The following AAK1 variants were observed in gnomAD, a reference collection of about 807,000 sequenced individuals.
The protein encoded by AAK1 is AP2 associated kinase 1.
A neutral mutation model predicts 116.0 loss-of-function variants in AAK1; 37 were observed. That is an observed-to-expected ratio of 0.32 (90% CI 0.25 to 0.42). The LOEUF (loss-of-function observed/expected upper bound fraction) is 0.42. AAK1 is among the 10% of genes least tolerant of loss of function. The pLI is 1.00. For missense variants in AAK1, 919 were observed against 1,170.6 expected, an observed-to-expected ratio of 0.79 and a Z score of 3.14; for synonymous variants, 458 against 439.9, an observed-to-expected ratio of 1.04 and a Z score of -0.51.
Position 69,472,207 on chromosome 2 carries a change from T to C in AAK1, c.*3662A>G, listed in dbSNP as rs926615050. On this transcript the variant is annotated 3_prime_UTR_variant, in exon 22 of 22. Coordinates refer to ENST00000409085, the MANE Select transcript of AAK1 (RefSeq NM_014911.5). ...TCTGAGAATTTTTTGTGGATTATCC[T>C]TTTTACTGTCTTCAACAGTAACCAC... 477 of 971,360 alleles carry C rather than the reference T, an allele frequency of 4.9e-4. No homozygotes were observed. Among genetic ancestry groups the C allele is most frequent in the Non-Finnish European group, 5.7e-4 (468 of 817,252 alleles). 60.2% of individuals were successfully genotyped at this position (971,360 alleles called of 1,614,324 possible). A position where few individuals can be genotyped will look rare whatever the true frequency, so the allele number is the denominator to read the frequency against.
At chr2:69,618,982 T>C (rs1219693178) in intron 2 of AAK1, among the ~76,000 whole-genome samples, 1 of 152,156 alleles carries the variant, frequency 6.6e-6, no homozygotes, top group African/African-American at 2.4e-5. Context: ...ACCCCCTGCT[T>C]AGACAGGCTT....
Position 69,475,803 on chromosome 2 carries a change from A to T in AAK1, c.*66T>A. ...TTTTAAAAAAATCATTTTTTTCATA[A>T]CTCCGTAATGAAAATGTATTTTACG... On this transcript the variant is annotated 3_prime_UTR_variant, in exon 22 of 22. Transcript: ENST00000409085. The T allele has an allele frequency of 6.6e-7, 1 of 1,517,406 alleles. No homozygotes were observed. The highest frequency in any genetic ancestry group is 8.9e-7 in the Non-Finnish European group (1 of 1,123,582). 94.0% of individuals were successfully genotyped at this position (1,517,406 alleles called of 1,614,324 possible). A position where few individuals can be genotyped will look rare whatever the true frequency, so the allele number is the denominator to read the frequency against.
intron 2 of AAK1, among the ~76,000 whole-genome samples, chr2:69,560,118 T>C (rs1671570260): frequency 6.6e-6 from 1 of 152,346 alleles, no homozygotes; most frequent in Admixed American, 6.5e-5. Context: ...TATCTGCAGA[T>C]GAGAAGCATT....
In AAK1 at chr2:69,519,299, T is replaced by C. The variant is rs1669641321; in HGVS notation, c.1211-59A>G. On this transcript the variant is annotated intron_variant, in intron 11 of 21. Transcript: ENST00000409085. Reference sequence around the variant, plus strand: ...AAATGCTTCCACACAAAAATGGCTTTCTGTCTTGCCAAAACAACTAATAGG... The same window carrying C: ...AAATGCTTCCACACAAAAATGGCTTCCTGTCTTGCCAAAACAACTAATAGG... 5 of 1,469,664 alleles carry C rather than the reference T, an allele frequency of 3.4e-6. No individual in the cohort carries two copies. The East Asian group carries it at 1.2e-4, about 37-fold the overall frequency. 91.0% of individuals were successfully genotyped at this position (1,469,664 alleles called of 1,614,324 possible).
intron 2 of AAK1, 87 bp downstream of exon 2, chr2:69,642,791 C>A: frequency 6.4e-7 from 1 of 1,569,796 alleles, no homozygotes; most frequent in Non-Finnish European, 8.7e-7. Flanking sequence ...CTGGTCAAAG[C>A]CCATTCATAC....
At chr2:69,560,330 T>C (rs908506943) in intron 2 of AAK1, among the ~76,000 whole-genome samples, 3 of 152,208 alleles carry the variant, frequency 2.0e-5, no homozygotes, top group Admixed American at 2.0e-4. Flanking sequence ...TTAAGAGGGT[T>C]CAGGCTATTA....
At chr2:69,641,894 G>C (rs1675742878) in intron 2 of AAK1, among the ~76,000 whole-genome samples, 1 of 152,074 alleles carries the variant, frequency 6.6e-6, no homozygotes, top group African/African-American at 2.4e-5. Flanking sequence ...CCTACAGCAG[G>C]TTGGCCCCAT....
At chr2:69,614,091 G>A (rs1034784415) in intron 2 of AAK1, among the ~76,000 whole-genome samples, 1 of 152,228 alleles carries the variant, frequency 6.6e-6, no homozygotes, top group Non-Finnish European at 1.5e-5. Flanking sequence ...AGAAATGTGA[G>A]TAGAGGAAAT....
chr2:69,559,150 T>C (rs757633040), intron 2 of AAK1, among the ~76,000 whole-genome samples: 1 of 152,112 alleles, frequency 6.6e-6, no homozygotes, highest in Non-Finnish European at 1.5e-5. Context: ...CTAAAATTTA[T>C]CATATAATCT....
Position 69,464,348 on chromosome 2 carries a change from T to A in AAK1, c.*11521A>T, listed in dbSNP as rs1035951821. The A allele has an allele frequency of 6.6e-6, 1 of 152,186 alleles. No individual in the cohort carries two copies. Among genetic ancestry groups the A allele is most frequent in the African/African-American group, 2.4e-5 (1 of 41,444 alleles). 9.4% of individuals were successfully genotyped at this position (152,186 alleles called of 1,614,324 possible). A position where few individuals can be genotyped will look rare whatever the true frequency, so the allele number is the denominator to read the frequency against. The stretch of plus-strand genomic sequence containing the variant: ...ACTGTAACAAGGTGCTCTTTTCTAG[T>A]GTTGTAAGGGGAAAATGTATAAGGA... On this transcript the variant is annotated 3_prime_UTR_variant, in exon 22 of 22. Coordinates refer to ENST00000409085, the MANE Select transcript of AAK1 (RefSeq NM_014911.5).
chr2:69,571,209 T>C (rs1672082122), intron 2 of AAK1, among the ~76,000 whole-genome samples: 1 of 152,240 alleles, frequency 6.6e-6, no homozygotes, highest in African/African-American at 2.4e-5. Flanking sequence ...GTGATCCTCT[T>C]TCCCTCCCAC....
At chr2:69,507,340 C>G in intron 15 of AAK1, 81 bp downstream of exon 15, 1 of 1,505,028 alleles carries the variant, frequency 6.6e-7, no homozygotes, top group Non-Finnish European at 9.0e-7. Flanking sequence ...TCTAGAGTTA[C>G]GATTCTTTCT....
Position 69,488,357 on chromosome 2 carries a change from A to G in AAK1, c.2366-5545T>C, listed in dbSNP as rs536241421. ...GTTATAAAAAAAGATAGAGAGTATC[A>G]TTTTATTGATTTATTTTTACCTTTT... On this transcript the variant is annotated intron_variant, in intron 17 of 21. Coordinates refer to ENST00000409085, the MANE Select transcript of AAK1 (RefSeq NM_014911.5). 4.6e-5 allele frequency among the ~76,000 whole-genome samples: 7 copies of G among 152,208 alleles called. No homozygotes were observed. The South Asian group carries it at 1.5e-3, about 32-fold the overall frequency.
In AAK1 at chr2:69,510,076, A is replaced by G. The variant is rs983381383; in HGVS notation, c.1777-616T>C. Among the ~76,000 whole-genome samples, 4 of 151,974 alleles carry G rather than the reference A, an allele frequency of 2.6e-5. No homozygotes were observed. The East Asian group carries it at 7.7e-4, about 29-fold the overall frequency. ...ATTTTAGGTTCGGGGGTACATGTGC[A>G]GGTTTGTTATACAGGTAAACAGGCA... On this transcript the variant is annotated intron_variant, in intron 13 of 21. Transcript: ENST00000409085.
chr2:69,583,344 T>C (rs1672624882), intron 2 of AAK1, among the ~76,000 whole-genome samples: 1 of 152,190 alleles, frequency 6.6e-6, no homozygotes, highest in Non-Finnish European at 1.5e-5. Flanking sequence ...AGGATGGAAG[T>C]AAATTAAAAG....
intron 3 of AAK1, among the ~76,000 whole-genome samples, chr2:69,548,974 T>C (rs539733323): frequency 2.0e-5 from 3 of 152,288 alleles, no homozygotes; most frequent in South Asian, 2.1e-4. Flanking sequence ...CCTCACCCGT[T>C]AGACAGTTCT....
chr2:69,484,376 A>G (rs1434896391), intron 17 of AAK1, among the ~76,000 whole-genome samples: 1 of 152,258 alleles, frequency 6.6e-6, no homozygotes, highest in Admixed American at 6.5e-5. Flanking sequence ...TATAATTAAC[A>G]CACTGCAGAA....
intron 2 of AAK1, among the ~76,000 whole-genome samples, chr2:69,628,964 C>A (rs773929474): frequency 6.6e-6 from 1 of 152,202 alleles, no homozygotes; most frequent in Non-Finnish European, 1.5e-5. Context: ...CCTCTCTAGA[C>A]TCATTTTATA....
In AAK1 at chr2:69,643,233, G is replaced by C. The variant is rs1330535073; in HGVS notation, c.-193C>G. 6 of 1,407,130 alleles carry C rather than the reference G, an allele frequency of 4.3e-6. No homozygotes were observed. The highest frequency in any genetic ancestry group is 1.7e-5 in the South Asian group (1 of 60,094). 87.2% of individuals were successfully genotyped at this position (1,407,130 alleles called of 1,614,324 possible). On this transcript the variant is annotated 5_prime_UTR_variant, in exon 2 of 22. Transcript: ENST00000409085. ...GAATATGCGTGTCAATCGCGCAGCGGGTCCCCTCCTCCTCCAGAAAGCGAT... is the reference window on the plus strand; with the variant it reads ...GAATATGCGTGTCAATCGCGCAGCGCGTCCCCTCCTCCTCCAGAAAGCGAT...
Sources: gnomAD v4.1 joint callset for allele counts (sites outside exome capture counted in the v4.1 genomes callset) on GRCh38, gnomAD v4.1.1 for gene constraint, MANE v1.5 for transcripts, NCBI Gene and HGNC (gene_info 2026-07-23, HGNC 2026-07-21) for gene names.